The following PPP2R1B variants were observed in gnomAD, a reference collection of about 807,000 sequenced individuals.
The protein encoded by PPP2R1B is serine/threonine-protein phosphatase 2A 65 kDa regulatory subunit A beta isoform.
In PPP2R1B, 58 loss-of-function variants were observed where a neutral mutation model predicts 72.7. The ratio of observed to expected loss-of-function variants is 0.80; its 90% CI spans 0.65 to 0.99. The LOEUF is 0.99. Ranked by LOEUF, PPP2R1B falls within the 50% of genes least tolerant of loss-of-function variation. The pLI is 0.00. For synonymous variants in PPP2R1B, 256 were observed against 264.6 expected (o/e 0.97, Z 0.32); for missense variants, 695 against 733.6 (o/e 0.95, Z 0.61).
At chr11:111,713,377 ACCT>A in the PPP2R1B span, among the ~76,000 whole-genome samples, 1 of 151,974 alleles carries the variant, frequency 6.6e-6, no homozygotes, top group Non-Finnish European at 1.5e-5. Context: ...TTCAAAATAG[ACCT>A]CCTCTTAGTG....
the PPP2R1B span, chr11:111,720,464 G>T: frequency 6.3e-7 from 1 of 1,586,304 alleles, no homozygotes; most frequent in Non-Finnish European, 8.6e-7. Context: ...TATCTGTTCT[G>T]TTTTCTCTTA....
At position 111,740,598 on chromosome 11, in the gene PPP2R1B, T is replaced by C. The variant is rs1856597802; in HGVS notation, c.*998A>G. 1 of 985,200 alleles carries C rather than the reference T, an allele frequency of 1.0e-6. No individual in the cohort carries two copies. Among genetic ancestry groups the C allele is most frequent in the Non-Finnish European group, 1.2e-6 (1 of 829,712 alleles). 61.0% of individuals were successfully genotyped at this position (985,200 alleles called of 1,614,324 possible). On this transcript the variant is annotated 3_prime_UTR_variant, in exon 15 of 15. Transcript: ENST00000527614. ...TTTCAGAATTAATGAGGTTTTACTG[T>C]AAAAGTAGAAAAGCAAACACTTCAA...
At chr11:111,735,166 T>A (rs546758519), downstream of PPP2R1B, 1 of 152,280 alleles carries the variant, frequency 6.6e-6, no homozygotes, top group Non-Finnish European at 1.5e-5. Flanking sequence ...CTCGGGTCAG[T>A]GTGTGTACAG....
chr11:111,755,574 G>T, intron 5 of PPP2R1B, 124 bp from the exon 6 acceptor site: 8 of 756,126 alleles, frequency 1.1e-5, no homozygotes, highest in Non-Finnish European at 1.5e-5. Context: ...ATAGTTTCAC[G>T]TCTTGACATC....
chr11:111,738,742 A>C lies in PPP2R1B; in HGVS notation c.*2854T>G. ...AAACAAGATGCATCCTCAGGTTCAC[A>C]TCTTCTTGGTAGCACAGAGAGAGAA... On this transcript the variant is annotated 3_prime_UTR_variant, in exon 15 of 15. Coordinates refer to ENST00000527614, the MANE Select transcript of PPP2R1B (RefSeq NM_002716.5). The C allele has an allele frequency of 2.0e-6, 2 of 985,438 alleles. No individual in the cohort carries two copies. Among genetic ancestry groups the C allele is most frequent in the Non-Finnish European group, 2.4e-6 (2 of 829,952 alleles). 61.0% of individuals were successfully genotyped at this position (985,438 alleles called of 1,614,324 possible).
intron 10 of PPP2R1B, among the ~76,000 whole-genome samples, chr11:111,749,621 T>C (rs1231615290): frequency 6.6e-6 from 1 of 152,214 alleles, no homozygotes; most frequent in Non-Finnish European, 1.5e-5. Context: ...TTACACTTAC[T>C]TAACATCGTC....
In PPP2R1B at chr11:111,743,478, C is replaced by G; in HGVS notation, c.1452G>C (p.Lys484Asn). The change falls in exon 12 of 15, where the codon AAG (lysine) becomes AAC (asparagine). Residue 484 changes from lysine to asparagine, a missense_variant. Lys to Asn is a moderately conservative substitution (Grantham distance 94). Coordinates refer to ENST00000527614, the MANE Select transcript of PPP2R1B (RefSeq NM_002716.5). Reference protein sequence around the residue: ...ATNNLMKLVQKFGTEWAQNTI... With the variant: ...ATNNLMKLVQNFGTEWAQNTI... The stretch of plus-strand genomic sequence containing the variant: ...TATTTTGGGCCCACTCTGTACCAAA[C>G]TTCTGAACTAGTTTCATGAGGTTGT... 6.2e-7 allele frequency: 1 copy of G among 1,614,068 alleles called. No homozygotes were observed. The highest frequency in any genetic ancestry group is 8.5e-7 in the Non-Finnish European group (1 of 1,179,990).
intron 3 of PPP2R1B, 54 bp downstream of exon 3, chr11:111,764,751 T>A: frequency 3.2e-6 from 5 of 1,552,488 alleles, no homozygotes; most frequent in Non-Finnish European, 4.4e-6. Context: ...AAACAATGTA[T>A]CATTTATACT....
chr11:111,728,760 TA>T, intron 15 of PPP2R1B: 1 of 152,140 alleles, frequency 6.6e-6, no homozygotes, highest in Non-Finnish European at 1.5e-5. Flanking sequence ...CCGTCTCTAC[TA>T]AAAATACAAA....
At chr11:111,697,829 C>T in the PPP2R1B span, among the ~76,000 whole-genome samples, 1 of 151,188 alleles carries the variant, frequency 6.6e-6, no homozygotes, top group Non-Finnish European at 1.5e-5. Context: ...TGTCTCTACC[C>T]AAAAAAAGGA....
chr11:111,749,091 C>A (rs1305839400), intron 10 of PPP2R1B, among the ~76,000 whole-genome samples: 1 of 152,038 alleles, frequency 6.6e-6, no homozygotes, highest in Non-Finnish European at 1.5e-5. Flanking sequence ...ATGATCCGTC[C>A]GCCTCAGCCT....
chr11:111,764,985 T>C, intron 2 of PPP2R1B, 80 bp from the exon 3 acceptor site: 1 of 1,559,244 alleles, frequency 6.4e-7, no homozygotes, highest in Non-Finnish European at 8.7e-7. Flanking sequence ...AGGAACAGAT[T>C]CACTATGCGA....
intron 15 of PPP2R1B, chr11:111,729,745 C>T (rs1241536733): frequency 6.6e-6 from 1 of 152,294 alleles, no homozygotes; most frequent in East Asian, 1.9e-4. Context: ...ACTCAACAGC[C>T]GCCTGGCTTT....
At chr11:111,737,690 C>A, downstream of PPP2R1B, 1 of 1,522,558 alleles carries the variant, frequency 6.6e-7, no homozygotes, top group African/African-American at 1.4e-5. Context: ...TGTCCAGCAG[C>A]AGCCTACAAG....
intron 1 of PPP2R1B, chr11:111,765,909 C>T: frequency 2.0e-6 from 1 of 508,456 alleles, no homozygotes; most frequent in East Asian, 5.3e-5. Context: ...GGCCTGGCAC[C>T]GCGCTTCTCC....
In PPP2R1B at chr11:111,762,720, A is replaced by C. The variant is rs1275008729; in HGVS notation, c.307-1669T>G. Among the ~76,000 whole-genome samples, 7 of 151,220 alleles carry C rather than the reference A, an allele frequency of 4.6e-5. No homozygotes were observed. The East Asian group carries it at 1.4e-3, about 29-fold the overall frequency. On this transcript the variant is annotated intron_variant, in intron 3 of 14. Coordinates refer to ENST00000527614, the MANE Select transcript of PPP2R1B (RefSeq NM_002716.5). The stretch of plus-strand genomic sequence containing the variant: ...ACATCATGCCCAGCTATTTTTTTTT[A>C]AGTGTTGGGGTCTCACTATGTTGCC...
At chr11:111,765,807 C>T (rs180889475) in intron 1 of PPP2R1B, 6 of 473,850 alleles carry the variant, frequency 1.3e-5, no homozygotes, top group African/African-American at 9.8e-5. Flanking sequence ...CCCAACAAGC[C>T]GAGCCAGTTC....
At chr11:111,699,140 A>T in the PPP2R1B span, among the ~76,000 whole-genome samples, 1 of 152,158 alleles carries the variant, frequency 6.6e-6, no homozygotes, top group Non-Finnish European at 1.5e-5. Context: ...TGGACTGTGG[A>T]GCTGAGCTGA....
At chr11:111,712,144 A>G in the PPP2R1B span, 1 of 1,439,106 alleles carries the variant, frequency 6.9e-7, no homozygotes, top group African/African-American at 1.4e-5. Context: ...TTTTATTCTT[A>G]GAACTTTGTG....
Sources: gnomAD v4.1 joint callset for allele counts (sites outside exome capture counted in the v4.1 genomes callset) on GRCh38, gnomAD v4.1.1 for gene constraint, MANE v1.5 for transcripts, NCBI Gene and HGNC (gene_info 2026-07-23, HGNC 2026-07-21) for gene names.